PCDHA6: variants seen among roughly 807,000 people sequenced by gnomAD.
PCDHA6 encodes protocadherin alpha 6, also known as protocadherin alpha-6.
Under a neutral mutation model 60.3 loss-of-function variants are expected in PCDHA6, and 55 were observed. That is an observed-to-expected ratio of 0.91 (90% confidence interval 0.73 to 1.14). The LOEUF (loss-of-function observed/expected upper bound fraction) is 1.14, where lower values mean the gene tolerates loss of function less well. Ranked by LOEUF, PCDHA6 falls within the 50% of genes most tolerant of loss-of-function variation. The pLI is 0.00. For synonymous variants in PCDHA6, 652 were observed against 557.9 expected (o/e 1.17, Z -2.38); for missense variants, 1,327 against 1,256.5 (o/e 1.06, Z -0.85).
chr5:140,843,164 G>T, intron 1 of PCDHA6: 1 of 1,596,104 alleles, frequency 6.3e-7, no homozygotes. Flanking sequence ...GCAGCCAGCT[G>T]CAAGCAGCCC....
intron 3 of PCDHA6, among the ~76,000 whole-genome samples, chr5:140,994,339 A>T (rs1279466681): frequency 6.6e-6 from 1 of 152,146 alleles, no homozygotes; most frequent in Non-Finnish European, 1.5e-5. Context: ...TGAACAGTGG[A>T]TGTTGTGGGA....
intron 1 of PCDHA6, among the ~76,000 whole-genome samples, chr5:140,954,247 A>T (rs782077145): frequency 2.6e-5 from 4 of 152,196 alleles, no homozygotes; most frequent in Non-Finnish European, 4.4e-5. Context: ...ATGAACATAC[A>T]CATGCAGGTA....
chr5:140,922,898 T>A (rs916788135), intron 1 of PCDHA6, among the ~76,000 whole-genome samples: 2 of 152,022 alleles, frequency 1.3e-5, no homozygotes, highest in African/African-American at 4.8e-5. Flanking sequence ...CAAGAAAAAA[T>A]TTTGAGATAC....
intron 1 of PCDHA6, among the ~76,000 whole-genome samples, chr5:140,941,230 T>C (rs536346214): frequency 7.3e-6 from 1 of 137,584 alleles, no homozygotes; most frequent in African/African-American, 2.9e-5. Context: ...TTTCTTTCTT[T>C]CTTTCTTTCT....
At position 140,928,086 on chromosome 5, in the gene PCDHA6, G is replaced by A. The variant is rs17844363; in HGVS notation, c.2395-50863G>A. The A allele has an allele frequency of 1.9e-4, 304 of 1,614,206 alleles. No homozygotes were observed. The East Asian group carries it at 3.7e-3, about 20-fold the overall frequency. On this transcript the variant is annotated intron_variant, in intron 1 of 3. Transcript: ENST00000529310. ...CCTTTGACAACTACTACAGCCTGCT[G>A]ATTGATGGGCCCCTGGACCGGGAGC...
In PCDHA6 at chr5:140,829,915, G is replaced by A. The variant is rs2150177700; in HGVS notation, c.1824G>A (p.Ser608=). The part of the protein sequence containing the change: ...DADSGYNAWL[S]YELQPPASSA... ...ACTCAGGCTACAACGCGTGGCTTTC[G>A]TATGAGCTGCAGCCCCCGGCAAGCA... Residue 608 remains serine, a synonymous_variant, in exon 1 of 4, where the codon TCG becomes TCA. Coordinates refer to ENST00000529310, the MANE Select transcript of PCDHA6 (RefSeq NM_018909.4). 2 of 1,613,890 alleles carry A rather than the reference G, an allele frequency of 1.2e-6. No individual in the cohort carries two copies. The highest frequency in any genetic ancestry group is 1.7e-6 in the Non-Finnish European group (2 of 1,179,926).
intron 1 of PCDHA6, among the ~76,000 whole-genome samples, chr5:140,918,041 C>T (rs1554198405): frequency 6.6e-6 from 1 of 152,058 alleles, no homozygotes; most frequent in Non-Finnish European, 1.5e-5. Flanking sequence ...AAGGTCTTTC[C>T]ATTTGTTTTA....
At chr5:140,994,788 C>A (rs139745274) in intron 3 of PCDHA6, among the ~76,000 whole-genome samples, 6 of 152,076 alleles carry the variant, frequency 3.9e-5, no homozygotes, top group Admixed American at 3.9e-4. Flanking sequence ...GGAAACAATG[C>A]GTGCATGCAA....
rs2150182781 is a variant in PCDHA6, at chr5:140,830,210, G to A, written c.2119G>A (p.Val707Ile). The A allele has an allele frequency of 1.3e-5, 21 of 1,613,836 alleles. 2 individuals carry two copies. In the South Asian group the frequency reaches 2.3e-4, roughly 18 times the overall value. The change falls in exon 1 of 4, where the codon GTA becomes ATA. Residue 707 changes from valine (V) to isoleucine (I), a missense_variant. Physicochemically the swap from Val to Ile is conservative, Grantham distance 29. Coordinates refer to ENST00000529310, the MANE Select transcript of PCDHA6 (RefSeq NM_018909.4). ...NVYLIIAICA[V>I]SSLLVLTLLL... ...GTACCTGATCATCGCCATCTGCGCG[G>A]TATCCAGCCTGCTGGTCCTCACGCT...
intron 1 of PCDHA6, among the ~76,000 whole-genome samples, chr5:140,921,390 T>G (rs2080194479): frequency 6.6e-6 from 1 of 152,164 alleles, no homozygotes; most frequent in Non-Finnish European, 1.5e-5. Context: ...TTGATAAACA[T>G]TCACACTAGA....
At chr5:140,873,755 T>C (rs1273886734) in intron 1 of PCDHA6, among the ~76,000 whole-genome samples, 1 of 152,098 alleles carries the variant, frequency 6.6e-6, no homozygotes, top group African/African-American at 2.4e-5. Flanking sequence ...CCACCTCCCA[T>C]GTTCAAGCAA....
chr5:140,987,790 A>AT (rs1409478213), intron 3 of PCDHA6, among the ~76,000 whole-genome samples: 3 of 152,100 alleles, frequency 2.0e-5, no homozygotes, highest in Admixed American at 6.6e-5. Context: ...TATAGAGAAG[A>AT]TTTTTTTAAA....
intron 1 of PCDHA6, among the ~76,000 whole-genome samples, chr5:140,934,650 T>C (rs2089969846): frequency 6.6e-6 from 1 of 152,134 alleles, no homozygotes; most frequent in East Asian, 1.9e-4. Flanking sequence ...GATAAATGTT[T>C]GATTCTTCCC....
intron 1 of PCDHA6, chr5:140,883,895 C>T: frequency 6.2e-7 from 1 of 1,613,426 alleles, no homozygotes; most frequent in Non-Finnish European, 8.5e-7. Flanking sequence ...CTCTGGCGTG[C>T]CGCCTCTGGG....
At chr5:140,853,598 C>T (rs889899754) in intron 1 of PCDHA6, 2 of 986,878 alleles carry the variant, frequency 2.0e-6, no homozygotes, top group Non-Finnish European at 2.4e-6. Context: ...ACTTTGAGAG[C>T]AAAGGGGGTG....
chr5:140,850,861 C>T, intron 1 of PCDHA6: 9 of 1,592,808 alleles, frequency 5.7e-6, no homozygotes, highest in Non-Finnish European at 6.9e-6. Flanking sequence ...ACGGGAGAAC[C>T]CTCTGCTTCC....
In PCDHA6 at chr5:140,836,728, C is replaced by G. The variant is rs1286648701; in HGVS notation, c.2394+6243C>G. The stretch of plus-strand genomic sequence containing the variant: ...CCCAGCCTTCCTCAGGGTCCATCCT[C>G]TACAGACAATGTGAGTCATAAATAA... On this transcript the variant is annotated intron_variant, in intron 1 of 3. Transcript: ENST00000529310. 5 of 1,610,268 alleles carry G rather than the reference C, an allele frequency of 3.1e-6. No individual in the cohort carries two copies. The African/African-American group carries it at 5.4e-5, about 17-fold the overall frequency.
chr5:140,828,473 G>A lies in PCDHA6; in HGVS notation c.382G>A (p.Asp128Asn). The change falls in exon 1 of 4, where the codon GAC becomes AAC. Residue 128 changes from aspartate to asparagine, a missense_variant. Asp to Asn is a conservative substitution (Grantham distance 23). Transcript: ENST00000529310. ...GGACGTGGAGGTGAGGGACATTAACGACAACCCGCCCTTGTTCCCGGTAGA... is the reference window on the plus strand; with the variant it reads ...GGACGTGGAGGTGAGGGACATTAACAACAACCCGCCCTTGTTCCCGGTAGA... ...HVDVEVRDIN[D>N]NPPLFPVEEQ... The A allele has an allele frequency of 6.2e-7, 1 of 1,614,248 alleles. No homozygotes were observed. Among genetic ancestry groups the A allele is most frequent in the Non-Finnish European group, 8.5e-7 (1 of 1,180,048 alleles).
intron 1 of PCDHA6, among the ~76,000 whole-genome samples, chr5:140,962,106 C>T (rs1156902232): frequency 4.6e-5 from 7 of 152,130 alleles, no homozygotes; most frequent in Non-Finnish European, 7.4e-5. Context: ...AGGATGGTCT[C>T]GATCTCCTAA....
Sources: allele counts gnomAD v4.1 joint callset (sites outside exome capture counted in the v4.1 genomes callset), GRCh38; gene constraint gnomAD v4.1.1; transcripts MANE v1.5; gene names NCBI Gene and HGNC (gene_info 2026-07-23, HGNC 2026-07-21).